Variants in CACNA1E observed in about 807,000 individuals in gnomAD.
The protein encoded by CACNA1E is voltage-dependent R-type calcium channel subunit alpha-1E.
Under a neutral mutation model 259.2 loss-of-function variants are expected in CACNA1E, and 40 were observed. That is an observed-to-expected ratio of 0.15 (90% CI 0.12 to 0.20). CACNA1E has a LOEUF of 0.20. Among genes scored for constraint, CACNA1E ranks in the 10% least tolerant of loss-of-function variants. The pLI is 1.00. For missense variants in CACNA1E, 1,874 were observed against 3,040.1 expected, an observed-to-expected ratio of 0.62 and a Z score of 9.02; for synonymous variants, 1,104 against 1,138.5, an observed-to-expected ratio of 0.97 and a Z score of 0.61.
chr1:181,393,654 TG>T (rs1398785837), intron 1 of CACNA1E, among the ~76,000 whole-genome samples: 1 of 152,094 alleles, frequency 6.6e-6, no homozygotes, highest in Non-Finnish European at 1.5e-5. Flanking sequence ...GACAGAGTTT[TG>T]CAATGTTGCC....
intron 1 of CACNA1E, among the ~76,000 whole-genome samples, chr1:181,331,547 C>A (rs568955642): frequency 6.6e-6 from 1 of 152,256 alleles, no homozygotes; most frequent in African/African-American, 2.4e-5. Flanking sequence ...TTGGATGGTG[C>A]CTGACCTCAT....
chr1:181,606,053 G>A (rs16857784), intron 6 of CACNA1E, among the ~76,000 whole-genome samples: 17,565 of 151,862 alleles, frequency 0.12, 1,427 homozygotes, highest in African/African-American at 0.22. Context: ...GTTTCCATCC[G>A]TCTTTCTGGT....
intron 3 of CACNA1E, among the ~76,000 whole-genome samples, chr1:181,539,763 A>G (rs568191566): frequency 6.6e-6 from 1 of 152,360 alleles, no homozygotes; most frequent in South Asian, 2.1e-4. Flanking sequence ...AAACCATTAC[A>G]TTACTTAATG....
intron 3 of CACNA1E, among the ~76,000 whole-genome samples, chr1:181,552,473 A>G (rs1178706842): frequency 6.6e-6 from 1 of 151,500 alleles, no homozygotes; most frequent in Non-Finnish European, 1.5e-5. Context: ...CCAACTATCT[A>G]CTTGTCTAAC....
chr1:181,622,271 C>T (rs1171877780), intron 6 of CACNA1E, among the ~76,000 whole-genome samples: 1 of 152,180 alleles, frequency 6.6e-6, no homozygotes, highest in Non-Finnish European at 1.5e-5. Context: ...CAGCTTTTGG[C>T]TTAGTAGAGG....
chr1:181,747,539 C>T (rs894787390), intron 25 of CACNA1E, among the ~76,000 whole-genome samples: 1 of 151,250 alleles, frequency 6.6e-6, no homozygotes, highest in African/African-American at 2.4e-5. Context: ...CCAATTGAGT[C>T]CCAATTAAAG....
At chr1:181,714,044 G>C (rs1653652294) in intron 8 of CACNA1E, among the ~76,000 whole-genome samples, 1 of 152,156 alleles carries the variant, frequency 6.6e-6, no homozygotes, top group African/African-American at 2.4e-5. Context: ...TCAACAATCA[G>C]TTAAATTCTA....
Position 181,710,939 on chromosome 1 carries a change from CCTT to C in CACNA1E, c.1056-11_1056-9del. ...CCTGTCCAAACCCAGTGAATCTTAT[CCTT>C]CTTGTCCACAGGGAATTTGCCAAAG... is the stretch of plus-strand genomic sequence containing the variant. On this transcript the variant is annotated splice_polypyrimidine_tract_variant and intron_variant, in intron 7 of 47. Coordinates refer to ENST00000367573, the MANE Select transcript of CACNA1E (RefSeq NM_001205293.3). The C allele has an allele frequency of 6.4e-7, 1 of 1,571,774 alleles. No homozygotes were observed. Among genetic ancestry groups the C allele is most frequent in the East Asian group, 2.2e-5 (1 of 44,670 alleles).
At chr1:181,766,475 G>A (rs564496350) in intron 34 of CACNA1E, 71 bp from the exon 35 acceptor site, 9 of 1,053,728 alleles carry the variant, frequency 8.5e-6, no homozygotes, top group East Asian at 2.4e-5. Flanking sequence ...CTGTACTGCC[G>A]GTGACTGCAG....
At chr1:181,796,493 A>G (rs1193692974) in intron 46 of CACNA1E, among the ~76,000 whole-genome samples, 175 bp from the exon 47 acceptor site, 2 of 152,078 alleles carry the variant, frequency 1.3e-5, no homozygotes, top group Non-Finnish European at 1.5e-5. Flanking sequence ...TCCTAATACC[A>G]TACCATCAGG....
At chr1:181,753,950 C>G (rs1406044155) in intron 27 of CACNA1E, among the ~76,000 whole-genome samples, 2 of 152,190 alleles carry the variant, frequency 1.3e-5, no homozygotes, top group African/African-American at 4.8e-5. Flanking sequence ...AAGGAAGTGG[C>G]CTGGCCGACT....
rs756368564 is a variant in CACNA1E, at chr1:181,783,720, G to T, written c.5406G>T (p.Thr1802=). ...ACATGCCAGTAGCTGAGGACATGAC[G>T]GTCCACTTCACCTCCACACTTATGG... ...LMNMPVAEDM[T]VHFTSTLMAL... Residue 1802 remains threonine (T), a synonymous_variant, in exon 40 of 48, where the codon ACG becomes ACT. Coordinates refer to ENST00000367573, the MANE Select transcript of CACNA1E (RefSeq NM_001205293.3). 1.2e-6 allele frequency: 2 copies of T among 1,612,474 alleles called. No individual in the cohort carries two copies. Among genetic ancestry groups the T allele is most frequent in the Non-Finnish European group, 1.7e-6 (2 of 1,179,358 alleles).
At chr1:181,450,959 G>A (rs1186932374) in intron 2 of CACNA1E, among the ~76,000 whole-genome samples, 3 of 152,160 alleles carry the variant, frequency 2.0e-5, no homozygotes, top group African/African-American at 4.8e-5. Context: ...TAGGATTGAG[G>A]GAGAGGAGGT....
At chr1:181,735,088 C>G (rs895202038) in intron 21 of CACNA1E, among the ~76,000 whole-genome samples, 5 of 152,192 alleles carry the variant, frequency 3.3e-5, no homozygotes, top group Admixed American at 3.3e-4. Context: ...CCATGGCTCC[C>G]TCTCCATTTC....
rs879469478 is a variant in CACNA1E at position 181,340,162 on chromosome 1, A to G, written c.-15+22039A>G. 3.7e-4 allele frequency among the ~76,000 whole-genome samples: 56 copies of G among 151,868 alleles called. 1 individual carries two copies. The highest frequency in any genetic ancestry group is 2.9e-3 in the Admixed American group (44 of 15,270). On this transcript the variant is annotated intron_variant, in intron 1 of 11. Transcript: ENST00000524607. ...AAGACTTGGGGGAAGGATCCTACATAATTTTTTTTTACATGTCTACTCACT... is the reference window on the plus strand; with the variant it reads ...AAGACTTGGGGGAAGGATCCTACATGATTTTTTTTTACATGTCTACTCACT...
chr1:181,596,117 TTGAG>T (rs1374915183), intron 6 of CACNA1E, among the ~76,000 whole-genome samples: 2 of 151,846 alleles, frequency 1.3e-5, no homozygotes, highest in African/African-American at 4.8e-5. Flanking sequence ...GCCGGGGAGA[TTGAG>T]AGAAAGAGGC....
At chr1:181,570,034 T>C (rs561062397) in intron 3 of CACNA1E, among the ~76,000 whole-genome samples, 59 of 152,146 alleles carry the variant, frequency 3.9e-4, no homozygotes, top group African/African-American at 1.4e-3. Flanking sequence ...GCTCACAGAG[T>C]TAGAGCCAGG....
chr1:181,362,662 G>A (rs999447068), intron 1 of CACNA1E, among the ~76,000 whole-genome samples: 5 of 152,260 alleles, frequency 3.3e-5, no homozygotes, highest in African/African-American at 9.6e-5. Flanking sequence ...GTTTGCCAAT[G>A]CTTTGGAAAC....
intron 7 of CACNA1E, among the ~76,000 whole-genome samples, chr1:181,684,637 T>C (rs1414362500): frequency 6.6e-6 from 1 of 152,066 alleles, no homozygotes; most frequent in African/African-American, 2.4e-5. Flanking sequence ...TTTAATCCAT[T>C]TTGAGTTGTT....
Sources: allele counts gnomAD v4.1 joint callset (sites outside exome capture counted in the v4.1 genomes callset), GRCh38; gene constraint gnomAD v4.1.1; transcripts MANE v1.5; gene names NCBI Gene and HGNC (gene_info 2026-07-23, HGNC 2026-07-21).